The following IPO11 variants were observed in gnomAD, a reference collection of about 807,000 sequenced individuals.
The protein encoded by IPO11 is importin-11.
IPO11 carries 66 observed loss-of-function variants against 143.2 expected under a neutral mutation model. The observed-to-expected ratio is 0.46, with a 90% CI of 0.38 to 0.57. The LOEUF (loss-of-function observed/expected upper bound fraction) is 0.57, where lower values mean the gene tolerates loss of function less well. Ranked by LOEUF, IPO11 falls within the 20% of genes least tolerant of loss-of-function variation. The pLI is 0.00. For synonymous variants in IPO11, 385 were observed against 377.8 expected, an observed-to-expected ratio of 1.02 and a Z score of -0.22; for missense variants, 1,026 against 1,141.0, an observed-to-expected ratio of 0.90 and a Z score of 1.45.
At chr5:62,500,620 C>G (rs1174217840) in intron 16 of IPO11, among the ~76,000 whole-genome samples, 1 of 152,150 alleles carries the variant, frequency 6.6e-6, no homozygotes, top group Non-Finnish European at 1.5e-5. Flanking sequence ...ACCTCAACTT[C>G]CCAATTACCT....
intron 20 of IPO11, among the ~76,000 whole-genome samples, chr5:62,525,794 A>G (rs1205928203): frequency 6.6e-6 from 1 of 152,188 alleles, no homozygotes; most frequent in Non-Finnish European, 1.5e-5. Context: ...TATTTAGGTG[A>G]AAGCATCTAT....
At chr5:62,444,181 T>A (rs529948258) in intron 3 of IPO11, among the ~76,000 whole-genome samples, 24 of 151,708 alleles carry the variant, frequency 1.6e-4, no homozygotes, top group Non-Finnish European at 3.2e-4. Context: ...CTGCAAGCTC[T>A]GCCTCACGGG....
In IPO11 at chr5:62,504,906, T is replaced by C; in HGVS notation, c.1665+8T>C. 6.6e-7 allele frequency: 1 copy of C among 1,508,188 alleles called. No individual in the cohort carries two copies. The highest frequency in any genetic ancestry group is 9.0e-7 in the Non-Finnish European group (1 of 1,109,776). 93.4% of individuals were successfully genotyped at this position (1,508,188 alleles called of 1,614,324 possible). A position where few individuals can be genotyped will look rare whatever the true frequency, so the allele number is the denominator to read the frequency against. On this transcript the variant is annotated splice_region_variant and intron_variant, in intron 18 of 29. Coordinates refer to ENST00000325324, the MANE Select transcript of IPO11 (RefSeq NM_016338.5). ...ACAGATCAGTTTCTACCGGTAAGAA[T>C]ATACATTTCCAGGTATTTTTTTTAA...
chr5:62,620,632 A>T (rs1450857032), intron 29 of IPO11, among the ~76,000 whole-genome samples: 1 of 151,894 alleles, frequency 6.6e-6, no homozygotes, highest in African/African-American at 2.4e-5. Context: ...CAGTTGGTTG[A>T]GTTTTTCTAA....
At chr5:62,452,136 T>TAG (rs1744954067) in intron 5 of IPO11, among the ~76,000 whole-genome samples, 1 of 151,434 alleles carries the variant, frequency 6.6e-6, no homozygotes, top group Non-Finnish European at 1.5e-5. Context: ...TTCCAGCTAC[T>TAG]CAGGAGGCTG....
At chr5:62,505,108 C>A (rs748983542) in intron 18 of IPO11, among the ~76,000 whole-genome samples, 7 of 151,584 alleles carry the variant, frequency 4.6e-5, no homozygotes, top group Non-Finnish European at 7.4e-5. Context: ...ATTCTGCTTA[C>A]TTTTGTTTAG....
chr5:62,490,031 C>T, intron 14 of IPO11, 84 bp from the exon 15 acceptor site: 1 of 645,792 alleles, frequency 1.5e-6, no homozygotes, highest in Non-Finnish European at 2.5e-6. Flanking sequence ...TGTGTGTTTC[C>T]TTTAATTAAC....
intron 29 of IPO11, among the ~76,000 whole-genome samples, chr5:62,621,673 T>C (rs1456710902): frequency 2.0e-5 from 3 of 152,108 alleles, no homozygotes; most frequent in African/African-American, 7.2e-5. Flanking sequence ...ATGAAGAGAA[T>C]TTAATAAGTG....
chr5:62,498,062 T>C (rs754428069), intron 16 of IPO11, among the ~76,000 whole-genome samples: 26 of 152,206 alleles, frequency 1.7e-4, no homozygotes, highest in Non-Finnish European at 2.9e-4. Flanking sequence ...ACAACAGCTT[T>C]ATAGTAAGCC....
At chr5:62,435,431 A>T (rs974036287) in intron 1 of IPO11, among the ~76,000 whole-genome samples, 24 of 148,390 alleles carry the variant, frequency 1.6e-4, no homozygotes, top group African/African-American at 4.9e-4. Context: ...TCTACAAAAA[A>T]TAAAAAATAA....
chr5:62,594,237 G>T (rs1745133964), intron 28 of IPO11, among the ~76,000 whole-genome samples: 1 of 152,178 alleles, frequency 6.6e-6, no homozygotes, highest in Admixed American at 6.5e-5. Flanking sequence ...ACATGATTAT[G>T]GAGGCTGAGG....
intron 23 of IPO11, 66 bp downstream of exon 23, chr5:62,536,847 CAG>C (rs942756095): frequency 1.4e-4 from 187 of 1,352,092 alleles, no homozygotes; most frequent in African/African-American, 1.3e-3. Context: ...TATTTGAAAT[CAG>C]GGGGTACGTT....
intron 9 of IPO11, among the ~76,000 whole-genome samples, chr5:62,480,154 A>G (rs573889367): frequency 8.5e-4 from 130 of 152,378 alleles, no homozygotes; most frequent in African/African-American, 2.9e-3. Flanking sequence ...AGCTTTCTAC[A>G]TATGGCTAGC....
chr5:62,586,764 A>ATATATAT (rs1554056988), intron 27 of IPO11, among the ~76,000 whole-genome samples: 12 of 83,106 alleles, frequency 1.4e-4, no homozygotes, highest in Admixed American at 4.0e-4. Context: ...AAAAAAAAAA[A>ATATATAT]AAAAATATAT....
intron 19 of IPO11, among the ~76,000 whole-genome samples, chr5:62,508,617 T>G (rs1741644718): frequency 7.2e-6 from 1 of 139,636 alleles, no homozygotes; most frequent in Non-Finnish European, 1.6e-5. Flanking sequence ...CCTCCCTCCC[T>G]CCGTCTCTCT....
At chr5:62,484,551 T>C (rs1440767056) in intron 11 of IPO11, among the ~76,000 whole-genome samples, 1 of 140,284 alleles carries the variant, frequency 7.1e-6, no homozygotes, top group Non-Finnish European at 1.6e-5. Context: ...TGATGAATAG[T>C]TTTTTTTTTT....
chr5:62,447,106 TA>T (rs1326628006), intron 3 of IPO11, among the ~76,000 whole-genome samples: 126 of 149,500 alleles, frequency 8.4e-4, no homozygotes, highest in African/African-American at 3.0e-3. Context: ...TAATTATATA[TA>T]TATATTTTTT....
chr5:62,483,945 T>C lies in IPO11; in HGVS notation c.1022-65T>C. The C allele has an allele frequency of 5.3e-6, 7 of 1,329,734 alleles. No individual in the cohort carries two copies. The South Asian group carries it at 8.2e-5, about 16-fold the overall frequency. The allele number at this position is 1,329,734 out of a possible 1,614,324, so 82.4% of individuals were successfully genotyped here. On this transcript the variant is annotated intron_variant, in intron 10 of 29. Coordinates refer to ENST00000325324, the MANE Select transcript of IPO11 (RefSeq NM_016338.5). ...AGAGTGTATTTTTTATTTATTTAAG[T>C]TACATAATCCAATGTAGCTACAATG...
intron 27 of IPO11, among the ~76,000 whole-genome samples, chr5:62,577,494 A>G (rs1744358781): frequency 6.6e-6 from 1 of 152,140 alleles, no homozygotes; most frequent in African/African-American, 2.4e-5. Context: ...AGAAATTGAA[A>G]AATCCATGGG....
Sources: allele counts gnomAD v4.1 joint callset (sites outside exome capture counted in the v4.1 genomes callset), GRCh38; gene constraint gnomAD v4.1.1; transcripts MANE v1.5; gene names NCBI Gene and HGNC (gene_info 2026-07-23, HGNC 2026-07-21).